Variants in ARHGAP32 observed in about 807,000 individuals in gnomAD.
ARHGAP32 encodes Rho GTPase activating protein 32.
ARHGAP32 carries 51 observed loss-of-function variants against 186.5 expected under a neutral mutation model. The ratio of observed to expected loss-of-function variants is 0.27; its 90% CI spans 0.22 to 0.35. The LOEUF (loss-of-function observed/expected upper bound fraction) is 0.35, where lower values mean the gene tolerates loss of function less well. ARHGAP32 is among the 10% of genes least tolerant of loss of function. ARHGAP32 has a pLI of 1.00. For synonymous variants in ARHGAP32, 950 were observed against 964.3 expected, an observed-to-expected ratio of 0.99 and a Z score of 0.27; for missense variants, 2,186 against 2,623.5, an observed-to-expected ratio of 0.83 and a Z score of 3.64.
chr11:129,061,661 T>C (rs2135135772), intron 10 of ARHGAP32, among the ~76,000 whole-genome samples: 1 of 152,264 alleles, frequency 6.6e-6, no homozygotes, highest in East Asian at 1.9e-4. Context: ...ATGATTCACG[T>C]CCGGGGTGGG....
chr11:129,029,842 G>C (rs1240883003), intron 11 of ARHGAP32, among the ~76,000 whole-genome samples: 1 of 150,450 alleles, frequency 6.6e-6, no homozygotes, highest in Non-Finnish European at 1.5e-5. Context: ...AGGAAGGGGA[G>C]GGGATGGAAA....
At position 128,965,899 on chromosome 11, in the gene ARHGAP32, TACAG is replaced by T. The variant is rs1468154597; in HGVS notation, c.*3004_*3007del. 1 of 152,234 alleles carries T rather than the reference TACAG, an allele frequency of 6.6e-6. No homozygotes were observed. The highest frequency in any genetic ancestry group is 2.4e-5 in the African/African-American group (1 of 41,460). The allele number at this position is 152,234 out of a possible 1,614,324, so 9.4% of individuals were successfully genotyped here. Reference sequence around the variant, plus strand: ...ACGTTAGTTAACAGTCCCTCCTCTCTACAGAATTAGTCCTAGAATTTTTCAACCT... The same window carrying T: ...ACGTTAGTTAACAGTCCCTCCTCTCTAATTAGTCCTAGAATTTTTCAACCT... On this transcript the variant is annotated 3_prime_UTR_variant, in exon 23 of 23. Coordinates refer to ENST00000682385, the MANE Select transcript of ARHGAP32 (RefSeq NM_001378024.1).
At chr11:129,273,041 G>A (rs913533056) in intron 1 of ARHGAP32, among the ~76,000 whole-genome samples, 4 of 152,186 alleles carry the variant, frequency 2.6e-5, no homozygotes, top group African/African-American at 4.8e-5. Flanking sequence ...TTTCAGAGTT[G>A]GAGGGAGTCT....
At chr11:129,055,753 G>A (rs976225615) in intron 10 of ARHGAP32, among the ~76,000 whole-genome samples, 1 of 152,200 alleles carries the variant, frequency 6.6e-6, no homozygotes, top group African/African-American at 2.4e-5. Context: ...ATCACAGGTT[G>A]TGAAGGGTTC....
chr11:129,104,300 T>C (rs1941988065), intron 5 of ARHGAP32, among the ~76,000 whole-genome samples: 1 of 152,054 alleles, frequency 6.6e-6, no homozygotes, highest in African/African-American at 2.4e-5. Flanking sequence ...TATATAAGAA[T>C]AGTATTTAAT....
intron 6 of ARHGAP32, among the ~76,000 whole-genome samples, chr11:129,067,880 A>T (rs1332376107): frequency 6.6e-6 from 1 of 151,992 alleles, no homozygotes; most frequent in Non-Finnish European, 1.5e-5. Flanking sequence ...TAACATGATA[A>T]ACTTGCATAA....
At chr11:128,988,821 GC>G (rs1421967427) in intron 12 of ARHGAP32, among the ~76,000 whole-genome samples, 2 of 152,312 alleles carry the variant, frequency 1.3e-5, no homozygotes, top group African/African-American at 4.8e-5. Flanking sequence ...GGACAGCTAT[GC>G]TGGGGCATGC....
chr11:129,144,257 T>C lies in ARHGAP32; in HGVS notation c.226-19363A>G, dbSNP rs115256940. ...ACTAAGGAAAAAAATAATTAGGCTT[T>C]TACATGTTTATATATTGTGAGTTCA... On this transcript the variant is annotated intron_variant, in intron 2 of 22. Transcript: ENST00000682385. Among the ~76,000 whole-genome samples the C allele has an allele frequency of 2.9e-3, 439 of 152,290 alleles. 3 individuals are homozygous for C. Among genetic ancestry groups the C allele is most frequent in the African/African-American group, 9.9e-3 (413 of 41,574 alleles).
At chr11:129,156,718 G>A (rs528588878) in intron 2 of ARHGAP32, among the ~76,000 whole-genome samples, 2 of 152,316 alleles carry the variant, frequency 1.3e-5, no homozygotes, top group East Asian at 3.9e-4. Context: ...GCACAGCGCT[G>A]GAGCTCTGCT....
intron 6 of ARHGAP32, among the ~76,000 whole-genome samples, chr11:129,079,301 T>C (rs573494115): frequency 2.4e-4 from 36 of 152,236 alleles, no homozygotes; most frequent in South Asian, 8.3e-4. Context: ...CCTAGGCCCA[T>C]AGTCATCAGG....
At chr11:128,982,866 G>A (rs1945748051) in intron 15 of ARHGAP32, among the ~76,000 whole-genome samples, 1 of 140,650 alleles carries the variant, frequency 7.1e-6, no homozygotes, top group African/African-American at 2.7e-5. Flanking sequence ...ACTCCAGCCT[G>A]GGTGACAGAG....
At chr11:129,216,725 T>C (rs1944652731) in intron 1 of ARHGAP32, among the ~76,000 whole-genome samples, 1 of 148,692 alleles carries the variant, frequency 6.7e-6, no homozygotes, top group African/African-American at 2.5e-5. Context: ...TGAGTCCCCA[T>C]AGGTTCTAAT....
chr11:128,974,997 A>G lies in ARHGAP32; in HGVS notation c.2200T>C (p.Ser734Pro), dbSNP rs2136082814. The change falls in exon 21 of 23, where the codon TCT (serine) becomes CCT (proline). Residue 734 changes from serine (S) to proline (P), a missense_variant. Transcript: ENST00000682385. Reference protein sequence around the residue: ...LTSLHAVDGDSKLFRPRRPRS... With the variant: ...LTSLHAVDGDPKLFRPRRPRS... The stretch of plus-strand genomic sequence containing the variant: ...GGTCTTCTGGGTCGGAAGAGCTTAG[A>G]ATCACCTGGAAAAAATGAATAACAG... The G allele has an allele frequency of 1.3e-6, 2 of 1,597,832 alleles. No individual in the cohort carries two copies. The highest frequency in any genetic ancestry group is 1.7e-6 in the Non-Finnish European group (2 of 1,173,166).
chr11:128,985,409 C>T (rs1945835945), intron 15 of ARHGAP32, among the ~76,000 whole-genome samples: 1 of 152,046 alleles, frequency 6.6e-6, no homozygotes, highest in South Asian at 2.1e-4. Flanking sequence ...AGAACATCCG[C>T]TGAGTTTAAT....
At chr11:129,108,243 C>T (rs1942104467) in intron 5 of ARHGAP32, among the ~76,000 whole-genome samples, 1 of 152,160 alleles carries the variant, frequency 6.6e-6, no homozygotes. Flanking sequence ...CAACCACTTG[C>T]TTTCTACAAG....
intron 1 of ARHGAP32, among the ~76,000 whole-genome samples, chr11:129,228,459 T>A (rs927781892): frequency 2.6e-5 from 4 of 152,174 alleles, no homozygotes; most frequent in African/African-American, 9.6e-5. Context: ...TTCTTCCTTT[T>A]AAAAGACAAC....
At chr11:129,223,371 G>GA (rs113826527) in intron 1 of ARHGAP32, among the ~76,000 whole-genome samples, 30,223 of 151,988 alleles carry the variant, frequency 0.2, 3,139 homozygotes, top group Non-Finnish European at 0.23. Context: ...ATTGAAGAGT[G>GA]CTTTTATTTG....
chr11:129,040,953 T>C lies in ARHGAP32; in HGVS notation c.1020A>G (p.Ser340=). 3 of 1,606,902 alleles carry C rather than the reference T, an allele frequency of 1.9e-6. No homozygotes were observed. Among genetic ancestry groups the C allele is most frequent in the Non-Finnish European group, 2.6e-6 (3 of 1,176,470 alleles). The change falls in exon 11 of 23, where the codon TCA becomes TCG. Residue 340 remains serine (S), a synonymous_variant. Transcript: ENST00000682385. ...CTGGTTTTGGCACTGAGTTGGTCAC[T>C]GACTGGGGAACTTTTTGGTTAATTA... ...VELINQKVPQ[S]VTNSVPKPVS...
chr11:129,190,780 C>T (rs1310946083), intron 1 of ARHGAP32, among the ~76,000 whole-genome samples: 1 of 152,160 alleles, frequency 6.6e-6, no homozygotes, highest in Admixed American at 6.5e-5. Flanking sequence ...TTCAGTCCTA[C>T]TCATTGTTAG....
Sources: gnomAD v4.1 joint callset for allele counts (sites outside exome capture counted in the v4.1 genomes callset) on GRCh38, gnomAD v4.1.1 for gene constraint, MANE v1.5 for transcripts, NCBI Gene and HGNC (gene_info 2026-07-23, HGNC 2026-07-21) for gene names.